Variants in TLN2 observed in about 807,000 individuals in gnomAD.
TLN2 encodes the protein talin-2.
Under a neutral mutation model 294.7 loss-of-function variants are expected in TLN2, and 118 were observed. The ratio of observed to expected loss-of-function variants is 0.40; its 90% CI spans 0.34 to 0.47. The LOEUF (loss-of-function observed/expected upper bound fraction) is 0.47, where lower values mean the gene tolerates loss of function less well. Ranked by LOEUF, TLN2 falls within the 20% of genes least tolerant of loss-of-function variation. The pLI is 0.84. For synonymous variants in TLN2, 1,431 were observed against 1,304.5 expected, an observed-to-expected ratio of 1.10 and a Z score of -2.09; for missense variants, 3,083 against 3,282.2, an observed-to-expected ratio of 0.94 and a Z score of 1.48.
chr15:62,536,829 A>T (rs1214869428), intron 1 of TLN2, among the ~76,000 whole-genome samples: 1 of 152,228 alleles, frequency 6.6e-6, no homozygotes, highest in Non-Finnish European at 1.5e-5. Flanking sequence ...TAGGATACAG[A>T]GTCATATTTT....
chr15:62,730,722 T>C (rs1295730883), intron 28 of TLN2, among the ~76,000 whole-genome samples: 1 of 152,246 alleles, frequency 6.6e-6, no homozygotes, highest in African/African-American at 2.4e-5. Flanking sequence ...ATGAAGGTAA[T>C]GCGGTTTTAT....
intron 12 of TLN2, chr15:62,687,961 ATAT>A (rs2057432481): frequency 6.6e-6 from 1 of 152,198 alleles, no homozygotes; most frequent in South Asian, 2.1e-4. Context: ...CAATATAAAC[ATAT>A]TATTTAGAAA....
chr15:62,659,647 T>C (rs1427718129), intron 9 of TLN2, among the ~76,000 whole-genome samples: 2 of 152,218 alleles, frequency 1.3e-5, no homozygotes, highest in African/African-American at 4.8e-5. Context: ...TGAGTTTGTT[T>C]CTTTTTTTGT....
chr15:62,680,608 G>T (rs1204380050), intron 11 of TLN2, among the ~76,000 whole-genome samples: 1 of 151,418 alleles, frequency 6.6e-6, no homozygotes, highest in Non-Finnish European at 1.5e-5. Context: ...AGCTTTTGGG[G>T]TATAAGCGTT....
intron 45 of TLN2, among the ~76,000 whole-genome samples, chr15:62,787,794 C>T (rs1023517586): frequency 6.8e-5 from 10 of 146,570 alleles, no homozygotes; most frequent in Admixed American, 6.9e-5. Context: ...CGGGTTCAAG[C>T]GATTCTCCTG....
At chr15:62,694,421 C>T in intron 14 of TLN2, 29 bp downstream of exon 14, 2 of 1,591,260 alleles carry the variant, frequency 1.3e-6, no homozygotes, top group Non-Finnish European at 1.7e-6. Context: ...ACTAGAGGAC[C>T]ACCTTCTCCC....
In TLN2 at chr15:62,649,076, G is replaced by T. The variant is rs58459568; in HGVS notation, c.137-1008G>T. On this transcript the variant is annotated intron_variant, in intron 4 of 58. Transcript: ENST00000636159. ...TTGCCCAGGCTGGTCTCATACTCCTGTGCCCAACTGATCCACCCACCTCTC... is the reference window on the plus strand; with the variant it reads ...TTGCCCAGGCTGGTCTCATACTCCTTTGCCCAACTGATCCACCCACCTCTC... Among the ~76,000 whole-genome samples, 1,127 of 152,230 alleles carry T rather than the reference G, an allele frequency of 7.4e-3. 72 individuals are homozygous for T. The East Asian group carries it at 0.15, about 21-fold the overall frequency.
rs747004757 is a variant in TLN2, at chr15:62,708,642, C to T, written c.2313C>T (p.Ser771=). The T allele has an allele frequency of 1.5e-5, 24 of 1,614,074 alleles. No homozygotes were observed. Among genetic ancestry groups the T allele is most frequent in the East Asian group, 2.2e-5 (1 of 44,898 alleles). Residue 771 remains serine, a synonymous_variant, in exon 21 of 59, where the codon AGC becomes AGT. Transcript: ENST00000636159. Reference sequence around the variant, plus strand: ...ATAGTGAGCTCCTGAAGCAGGTCAGCGCAGCGGCCAGCGTGGTCAGCCAGG... The same window carrying T: ...ATAGTGAGCTCCTGAAGCAGGTCAGTGCAGCGGCCAGCGTGGTCAGCCAGG... ...TTDSELLKQV[S]AAASVVSQAL...
chr15:62,593,353 G>T (rs2046232541), intron 2 of TLN2, among the ~76,000 whole-genome samples: 1 of 152,216 alleles, frequency 6.6e-6, no homozygotes, highest in Admixed American at 6.5e-5. Context: ...GACCTAGGCT[G>T]CGCTCCTCAC....
intron 54 of TLN2, chr15:62,823,901 C>T (rs1483313387): frequency 2.6e-5 from 13 of 493,366 alleles, no homozygotes; most frequent in Non-Finnish European, 4.6e-5. Flanking sequence ...CCCCTGCAGC[C>T]GTAACCTTCA....
chr15:62,784,207 G>A, intron 45 of TLN2: 1 of 405,452 alleles, frequency 2.5e-6, no homozygotes. Flanking sequence ...CCCAAGCTTG[G>A]GACTGCCATC....
In TLN2 at chr15:62,662,107, C is replaced by G. The variant is rs1312576193; in HGVS notation, c.788+4209C>G. On this transcript the variant is annotated intron_variant, in intron 9 of 58. Coordinates refer to ENST00000636159, the MANE Select transcript of TLN2 (RefSeq NM_015059.3). ...TAAAAGAAAGTAATGAAATAGAAAC[C>G]ACAGAGAATCAATAAACCCAAAAGC... 3.3e-5 allele frequency among the ~76,000 whole-genome samples: 5 copies of G among 150,300 alleles called. No individual in the cohort carries two copies. In the East Asian group the frequency reaches 5.9e-4, roughly 18 times the overall value.
intron 57 of TLN2, among the ~76,000 whole-genome samples, chr15:62,837,597 G>A (rs1256007024): frequency 1.3e-5 from 2 of 152,108 alleles, no homozygotes; most frequent in African/African-American, 2.4e-5. Context: ...TTTTATTTGA[G>A]CCCCTTATAA....
At chr15:62,599,378 A>C (rs1429496501) in intron 2 of TLN2, among the ~76,000 whole-genome samples, 1 of 152,176 alleles carries the variant, frequency 6.6e-6, no homozygotes, top group East Asian at 1.9e-4. Context: ...CTGTGACTTG[A>C]AATTTTTTAT....
intron 1 of TLN2, among the ~76,000 whole-genome samples, chr15:62,413,615 G>A (rs1032911990): frequency 6.6e-6 from 1 of 152,194 alleles, no homozygotes; most frequent in Non-Finnish European, 1.5e-5. Context: ...AAGTCATGGC[G>A]TGAATTTATA....
chr15:62,560,726 C>G (rs961206250), intron 1 of TLN2, among the ~76,000 whole-genome samples: 3 of 152,230 alleles, frequency 2.0e-5, no homozygotes, highest in African/African-American at 7.2e-5. Context: ...GGACGATGCC[C>G]CTGCCCTGCT....
chr15:62,785,188 T>TA (rs1163783502), intron 45 of TLN2, among the ~76,000 whole-genome samples: 1 of 152,218 alleles, frequency 6.6e-6, no homozygotes, highest in East Asian at 1.9e-4. Context: ...AAAAGAGAGT[T>TA]ATCAGATACC....
At chr15:62,624,768 T>G (rs1422172873) in intron 3 of TLN2, among the ~76,000 whole-genome samples, 1 of 152,144 alleles carries the variant, frequency 6.6e-6, no homozygotes, top group Non-Finnish European at 1.5e-5. Flanking sequence ...CATAAGCACA[T>G]GATGGCAGTA....
chr15:62,544,581 C>T (rs550313580), intron 1 of TLN2, among the ~76,000 whole-genome samples: 8 of 152,262 alleles, frequency 5.3e-5, no homozygotes, highest in African/African-American at 1.9e-4. Context: ...TAAATTGAGG[C>T]GTGCTTTGGA....
Sources: allele counts gnomAD v4.1 joint callset (sites outside exome capture counted in the v4.1 genomes callset), GRCh38; gene constraint gnomAD v4.1.1; transcripts MANE v1.5; gene names NCBI Gene and HGNC (gene_info 2026-07-23, HGNC 2026-07-21).